Variants in BCL9L observed in about 807,000 individuals in gnomAD.
BCL9L encodes B-cell CLL/lymphoma 9-like protein.
Under a neutral mutation model 99.4 loss-of-function variants are expected in BCL9L, and 19 were observed. The ratio of observed to expected loss-of-function variants is 0.19; its 90% confidence interval spans 0.13 to 0.28. The LOEUF is 0.28. BCL9L is among the 10% of genes least tolerant of loss of function. The pLI, the probability that BCL9L is intolerant of heterozygous loss-of-function variation, is 1.00. For synonymous variants in BCL9L, 900 were observed against 854.8 expected (o/e 1.05, Z -0.92); for missense variants, 2,023 against 2,101.6 (o/e 0.96, Z 0.73).
At position 118,908,530 on chromosome 11, in the gene BCL9L, C is replaced by T. The variant is rs757317049; in HGVS notation, c.152G>A (p.Gly51Glu). The T allele has an allele frequency of 1.2e-6, 2 of 1,614,036 alleles. No individual in the cohort carries two copies. The highest frequency in any genetic ancestry group is 1.7e-6 in the Non-Finnish European group (2 of 1,180,020). The change falls in exon 4 of 10, where the codon GGG becomes GAG. Residue 51 changes from glycine to glutamate, a missense_variant. Transcript: ENST00000683865. ...ENKLTNHGKT[G>E]NGGAQSQHQN... ...GTGCTGAGATTGGGCCCCGCCATTCCCTGTCTTGCCATGATTGGTCAATTT... is the reference window on the plus strand; with the variant it reads ...GTGCTGAGATTGGGCCCCGCCATTCTCTGTCTTGCCATGATTGGTCAATTT...
At chr11:118,904,848 CT>C (rs1940441636) in intron 5 of BCL9L, among the ~76,000 whole-genome samples, 1 of 152,196 alleles carries the variant, frequency 6.6e-6, no homozygotes. Flanking sequence ...GCTCTGGACC[CT>C]ATCTATCCAA....
chr11:118,902,505 G>A lies in BCL9L; in HGVS notation c.1238C>T (p.Thr413Met), dbSNP rs1403588343. The A allele has an allele frequency of 6.2e-6, 10 of 1,608,442 alleles. No individual in the cohort carries two copies. In the Admixed American group the frequency reaches 6.7e-5, roughly 11 times the overall value. Residue 413 changes from threonine to methionine, a missense_variant, in exon 8 of 10, where the codon ACG becomes ATG. Thr to Met is a moderately conservative substitution (Grantham distance 81). Transcript: ENST00000683865. This position sits in a 1 kb window ranked among gnomAD's most constrained non-coding sequence, Gnocchi z 7.8. ...CAGCAGTCGCTCAATGTCTCGCAGC[G>A]TCTGGAGGGACCGTTCCCGATGCTC... is the stretch of plus-strand genomic sequence containing the variant. ...QLEHRERSLQ[T>M]LRDIERLLLR...
intron 1 of BCL9L, among the ~76,000 whole-genome samples, chr11:118,923,029 C>T (rs1490258050): frequency 1.3e-5 from 2 of 152,062 alleles, no homozygotes; most frequent in Non-Finnish European, 2.9e-5. Flanking sequence ...ATTGGACTCC[C>T]TGGAGGAGGG....
At chr11:118,912,360 G>C (rs1332077514) in intron 2 of BCL9L, among the ~76,000 whole-genome samples, 3 of 152,202 alleles carry the variant, frequency 2.0e-5, no homozygotes, top group African/African-American at 7.2e-5. Flanking sequence ...GTGGGGAGGG[G>C]TAGCAAGCTC....
At position 118,900,027 on chromosome 11, in the gene BCL9L, G is replaced by A. The variant is rs775771622; in HGVS notation, c.3296C>T (p.Ser1099Phe). ...TQMSKYAMPS[S>F]TPLYHNAIKT... is the part of the protein sequence containing the mutation. ...GATGGCATTGTGGTAGAGCGGGGTGGAGCTGGGCATGGCGTACTTGGACAT... is the reference window on the plus strand; with the variant it reads ...GATGGCATTGTGGTAGAGCGGGGTGAAGCTGGGCATGGCGTACTTGGACAT... The change falls in exon 9 of 10, where the codon TCC becomes TTC. Residue 1099 changes from serine (S) to phenylalanine (F), a missense_variant. By Grantham distance (155) the Ser-to-Phe change is radical. Around this residue, in one of 3 missense-constraint regions of BCL9L, gnomAD observed 902 missense variants for 888.2 expected, o/e 1.02. Transcript: ENST00000683865. This position sits in a 1 kb window ranked among gnomAD's most constrained non-coding sequence, Gnocchi z 5.3. 1 of 1,614,106 alleles carries A rather than the reference G, an allele frequency of 6.2e-7. No individual in the cohort carries two copies. The highest frequency in any genetic ancestry group is 8.5e-7 in the Non-Finnish European group (1 of 1,179,996).
rs955139976 is a variant in BCL9L at position 118,922,308 on chromosome 11, T to C, written c.-131+2930A>G. ...GCTCAGGAGCTGCAGTGCTCTGGCCTTCCCCTCCTAGCCCTGGCCTTCCAG... is the reference window on the plus strand; with the variant it reads ...GCTCAGGAGCTGCAGTGCTCTGGCCCTCCCCTCCTAGCCCTGGCCTTCCAG... On this transcript the variant is annotated intron_variant, in intron 1 of 9. Coordinates refer to ENST00000683865, the MANE Select transcript of BCL9L (RefSeq NM_001378213.1). The surrounding 1 kb of genome is among the most constrained non-coding windows in gnomAD (Gnocchi z 6.2). Among the ~76,000 whole-genome samples the C allele has an allele frequency of 6.6e-6, 1 of 152,176 alleles. No homozygotes were observed. Among genetic ancestry groups the C allele is most frequent in the Non-Finnish European group, 1.5e-5 (1 of 68,006 alleles).
At chr11:118,908,053 C>T (rs1222416414) in intron 4 of BCL9L, among the ~76,000 whole-genome samples, 1 of 152,162 alleles carries the variant, frequency 6.6e-6, no homozygotes. Flanking sequence ...TCCAGAAGTC[C>T]GACCACTCTG....
rs768461855 is a variant in BCL9L at position 118,899,054 on chromosome 11, C to A, written c.3861G>T (p.Gly1287=). Residue 1287 remains glycine, a synonymous_variant, in exon 10 of 10, where the codon GGG becomes GGT. Coordinates refer to ENST00000683865, the MANE Select transcript of BCL9L (RefSeq NM_001378213.1). ...QQHLMGKAMA[G]RMGDAYPPGV... is the part of the protein sequence containing the mutation. ...CCGGTGGGTATGCGTCGCCCATGCG[C>A]CCAGCCATGGCTTTGCCCATCAGGT... The A allele has an allele frequency of 4.3e-6, 7 of 1,612,402 alleles. No individual in the cohort carries two copies. The highest frequency in any genetic ancestry group is 2.7e-5 in the African/African-American group (2 of 74,916).
In BCL9L at chr11:118,902,774, T is replaced by C. The variant is rs1040241023; in HGVS notation, c.969A>G (p.Pro323=). 5.1e-6 allele frequency: 8 copies of C among 1,581,738 alleles called. No individual in the cohort carries two copies. The African/African-American group carries it at 1.1e-4, about 21-fold the overall frequency. Residue 323 remains proline (P), a synonymous_variant, in exon 8 of 10, where the codon CCA becomes CCG. Coordinates refer to ENST00000683865, the MANE Select transcript of BCL9L (RefSeq NM_001378213.1). This position sits in a 1 kb window ranked among gnomAD's most constrained non-coding sequence, Gnocchi z 7.8. ...APGSAPPALP[P]EGPPEDSSQD... ...GACTGCTGTCCTCAGGAGGCCCCTC[T>C]GGGGGCAGAGCAGGCGGGGCACTGC...
chr11:118,900,874 T>C lies in BCL9L; in HGVS notation c.2869A>G (p.Thr957Ala). The change falls in exon 8 of 10, where the codon ACT (threonine) becomes GCT (alanine). Residue 957 changes from threonine (T) to alanine (A), a missense_variant. By Grantham distance (58) the Thr-to-Ala change is moderately conservative. Around this residue, in one of 3 missense-constraint regions of BCL9L, gnomAD observed 902 missense variants for 888.2 expected, o/e 1.02. Transcript: ENST00000683865. This position sits in a 1 kb window ranked among gnomAD's most constrained non-coding sequence, Gnocchi z 5.3. ...SPSANLKSPQ[T>A]PSQMVPLPSA... Reference sequence around the variant, plus strand: ...GGCAAGGGCACCATCTGTGAGGGAGTCTGGGGTGACTTGAGGTTGGCAGAG... The same window carrying C: ...GGCAAGGGCACCATCTGTGAGGGAGCCTGGGGTGACTTGAGGTTGGCAGAG... 6.2e-7 allele frequency: 1 copy of C among 1,605,494 alleles called. No individual in the cohort carries two copies. Among genetic ancestry groups the C allele is most frequent in the Non-Finnish European group, 8.5e-7 (1 of 1,174,004 alleles).
Position 118,903,424 on chromosome 11 carries a change from C to T in BCL9L, c.561G>A (p.Ala187=), listed in dbSNP as rs747816773. The T allele has an allele frequency of 9.9e-6, 16 of 1,612,948 alleles. No homozygotes were observed. Among genetic ancestry groups the T allele is most frequent in the South Asian group, 2.2e-5 (2 of 91,024 alleles). Residue 187 remains alanine, a synonymous_variant, in exon 6 of 10, where the codon GCG becomes GCA. Transcript: ENST00000683865. This position sits in a 1 kb window ranked among gnomAD's most constrained non-coding sequence, Gnocchi z 5.6. The part of the protein sequence containing the change: ...HNCNVADPAM[A]APQLGPGQTT... ...TTTGGCCGGGACCCAGCTGTGGGGCCGCCATGGCTGGGTCTGCTACATTAC... is the reference window on the plus strand; with the variant it reads ...TTTGGCCGGGACCCAGCTGTGGGGCTGCCATGGCTGGGTCTGCTACATTAC...
chr11:118,899,657 G>C (rs1940119526), intron 9 of BCL9L, 149 bp from the exon 10 acceptor site: 1 of 1,166,350 alleles, frequency 8.6e-7, no homozygotes, highest in South Asian at 1.6e-5. Flanking sequence ...GAAGGGACTG[G>C]AGGCATTGAT....
rs947498036 is a variant in BCL9L at position 118,903,276 on chromosome 11, A to C, written c.709T>G (p.Ser237Ala). Residue 237 changes from serine to alanine, a missense_variant, in exon 6 of 10, where the codon TCG becomes GCG. Physicochemically the swap from Ser to Ala is moderately conservative, Grantham distance 99. Around this residue, in one of 3 missense-constraint regions of BCL9L, gnomAD observed 1,116 missense variants for 1,194.6 expected, o/e 0.93. Transcript: ENST00000683865. The surrounding 1 kb of genome is among the most constrained non-coding windows in gnomAD (Gnocchi z 5.6). ...GGGGVPGKPP[S>A]QFVYVFTTHL... ...GTGGTGAAGACATATACGAACTGCG[A>C]GGGAGGCTTTCCGGGGACGCCCCCG... The C allele has an allele frequency of 6.3e-7, 1 of 1,585,686 alleles. No homozygotes were observed. Among genetic ancestry groups the C allele is most frequent in the Admixed American group, 1.8e-5 (1 of 54,772 alleles).
In BCL9L at chr11:118,898,294, G is replaced by GCCCCCCACCCCCCCCCCCCCCCCCCCC; in HGVS notation, c.*120_*121insGGGGGGGGGGGGGGGGGGGGTGGGGGG. ...TCCACAAATGCCACTCCCTACACAA[G>GCCCCCCACCCCCCCCCCCCCCCCCCCC]CCCCCTCCCACCCCCTCCACCCCAC... On this transcript the variant is annotated 3_prime_UTR_variant, in exon 10 of 10. Coordinates refer to ENST00000683865, the MANE Select transcript of BCL9L (RefSeq NM_001378213.1). 8 of 452,312 alleles carry GCCCCCCACCCCCCCCCCCCCCCCCCCC rather than the reference G, an allele frequency of 1.8e-5. 2 individuals are homozygous for GCCCCCCACCCCCCCCCCCCCCCCCCCC. Among genetic ancestry groups the GCCCCCCACCCCCCCCCCCCCCCCCCCC allele is most frequent in the East Asian group, 8.6e-5 (2 of 23,130 alleles). The allele number at this position is 452,312 out of a possible 1,614,324, so 28.0% of individuals were successfully genotyped here. A position where few individuals can be genotyped will look rare whatever the true frequency, so the allele number is the denominator to read the frequency against.
intron 2 of BCL9L, 124 bp from the exon 3 acceptor site, chr11:118,910,139 A>C: frequency 1.5e-6 from 1 of 664,596 alleles, no homozygotes; most frequent in South Asian, 1.8e-5. Flanking sequence ...GTGGCACTGG[A>C]AAAAGAGGAT....
rs1175476121 is a variant in BCL9L, at chr11:118,898,240, T to C, written c.*175A>G. 1.2e-5 allele frequency: 11 copies of C among 925,172 alleles called. No individual in the cohort carries two copies. The highest frequency in any genetic ancestry group is 1.7e-5 in the Non-Finnish European group (11 of 637,740). The allele number at this position is 925,172 out of a possible 1,614,324, so 57.3% of individuals were successfully genotyped here. A position where few individuals can be genotyped will look rare whatever the true frequency, so the allele number is the denominator to read the frequency against. On this transcript the variant is annotated 3_prime_UTR_variant, in exon 10 of 10. Coordinates refer to ENST00000683865, the MANE Select transcript of BCL9L (RefSeq NM_001378213.1). ...AAAATCCCCCACCCCACACTGCCACTTCCCCCTAAGCTGCCAGCACATCTG... is the reference window on the plus strand; with the variant it reads ...AAAATCCCCCACCCCACACTGCCACCTCCCCCTAAGCTGCCAGCACATCTG...
At chr11:118,905,766 G>A (rs1591986474) in intron 5 of BCL9L, among the ~76,000 whole-genome samples, 4 of 152,220 alleles carry the variant, frequency 2.6e-5, no homozygotes, top group Non-Finnish European at 1.5e-5. Flanking sequence ...GCAGTAAGCC[G>A]AGTTCGTGCC....
chr11:118,902,399 G>A lies in BCL9L; in HGVS notation c.1344C>T (p.Pro448=). The A allele has an allele frequency of 6.4e-7, 1 of 1,553,074 alleles. No individual in the cohort carries two copies. The highest frequency in any genetic ancestry group is 8.7e-7 in the Non-Finnish European group (1 of 1,152,910). ...AGEGGPPAQA[P]PPPQQPPTAP... ...CCGTGGGTGGCTGCTGGGGGGGAGG[G>A]GGGGCTTGTGCTGGTGGGCCCCCCT... Residue 448 remains proline, a synonymous_variant, in exon 8 of 10, where the codon CCC becomes CCT. Transcript: ENST00000683865. The surrounding 1 kb of genome is among the most constrained non-coding windows in gnomAD (Gnocchi z 7.8).
rs1394326857 is a variant in BCL9L, at chr11:118,914,095, C to A, written c.-76-4080G>T. Among the ~76,000 whole-genome samples the A allele has an allele frequency of 6.6e-6, 1 of 152,100 alleles. No homozygotes were observed. Among genetic ancestry groups the A allele is most frequent in the Non-Finnish European group, 1.5e-5 (1 of 67,994 alleles). On this transcript the variant is annotated intron_variant, in intron 2 of 9. Transcript: ENST00000683865. The surrounding 1 kb of genome is among the most constrained non-coding windows in gnomAD (Gnocchi z 4.4). ...TGCCACTCTCTACCCTATGGAGACT[C>A]CCATCTCAGGAGGTGGTGTGGTGCT...
Sources: allele counts gnomAD v4.1 joint callset (sites outside exome capture counted in the v4.1 genomes callset), GRCh38; gene constraint gnomAD v4.1.1; regional missense constraint gnomAD v4.1.1; non-coding constraint Gnocchi (gnomAD v3.1); transcripts MANE v1.5; gene names NCBI Gene and HGNC (gene_info 2026-07-23, HGNC 2026-07-21).